NTSR1: variants seen among roughly 807,000 people sequenced by gnomAD.
The protein encoded by NTSR1 is neurotensin receptor type 1.
In NTSR1, 29 loss-of-function variants were observed where a neutral mutation model predicts 31.2. The observed-to-expected ratio is 0.93, with a 90% CI of 0.69 to 1.27. The LOEUF (loss-of-function observed/expected upper bound fraction) is 1.27. Among genes scored for constraint, NTSR1 ranks in the 50% most tolerant of loss-of-function variants. The pLI is 0.00. For missense variants in NTSR1, 697 were observed against 595.4 expected (o/e 1.17, Z -1.78); for synonymous variants, 282 against 269.9 (o/e 1.04, Z -0.44).
intron 1 of NTSR1, among the ~76,000 whole-genome samples, chr20:62,749,177 C>T (rs1446492809): frequency 6.6e-6 from 1 of 152,170 alleles, no homozygotes; most frequent in Non-Finnish European, 1.5e-5. Context: ...CGCGGTGGCT[C>T]ACGCCTATAA....
Position 62,741,585 on chromosome 20 carries a change from G to A in NTSR1, c.715-13100G>A, listed in dbSNP as rs756945770. Reference sequence around the variant, plus strand: ...TCGAGCATGCCTGGGCATTGTCCATGGTACTGAACCCCTGAGGCTCCCTGG... The same window carrying A: ...TCGAGCATGCCTGGGCATTGTCCATAGTACTGAACCCCTGAGGCTCCCTGG... On this transcript the variant is annotated intron_variant, in intron 1 of 3. Coordinates refer to ENST00000370501, the MANE Select transcript of NTSR1 (RefSeq NM_002531.3). The surrounding 1 kb of genome is among the most constrained non-coding windows in gnomAD (Gnocchi z 4.3). 2.0e-4 allele frequency among the ~76,000 whole-genome samples: 30 copies of A among 149,520 alleles called. No individual in the cohort carries two copies. The highest frequency in any genetic ancestry group is 4.3e-4 in the Non-Finnish European group (29 of 68,012).
intron 1 of NTSR1, among the ~76,000 whole-genome samples, chr20:62,730,637 G>A (rs74386295): frequency 0.018 from 2,759 of 152,342 alleles, 89 homozygotes; most frequent in African/African-American, 0.063. Flanking sequence ...GTAAGGATAC[G>A]TTGAGCTTTG....
rs796172046 is a variant in NTSR1 at position 62,760,409 on chromosome 20, CCT to C, written c.*144_*145del. The C allele has an allele frequency of 1.0e-3, 810 of 782,356 alleles. 1 individual carries two copies. The African/African-American group carries it at 0.013, about 13-fold the overall frequency. 48.5% of individuals were successfully genotyped at this position (782,356 alleles called of 1,614,324 possible). On this transcript the variant is annotated 3_prime_UTR_variant, in exon 4 of 4. Coordinates refer to ENST00000370501, the MANE Select transcript of NTSR1 (RefSeq NM_002531.3). Reference sequence around the variant, plus strand: ...TGGAGTCTGAGGCCTGGGACCCCCCCCTCCCACCCCCTAACCCATGTTTCTCA... The same window carrying C: ...TGGAGTCTGAGGCCTGGGACCCCCCCCCCACCCCCTAACCCATGTTTCTCA...
intron 2 of NTSR1, among the ~76,000 whole-genome samples, 170 bp downstream of exon 2, chr20:62,755,056 C>G (rs1770648794): frequency 1.3e-5 from 2 of 151,738 alleles, no homozygotes; most frequent in Non-Finnish European, 2.9e-5. Context: ...ATTCTGCACT[C>G]CATCCCTCCC....
intron 1 of NTSR1, among the ~76,000 whole-genome samples, chr20:62,718,300 C>A (rs1296551200): frequency 3.9e-5 from 6 of 152,020 alleles, no homozygotes; most frequent in Admixed American, 2.6e-4. Flanking sequence ...GGTTGGGAAG[C>A]TGCTGCTGGA....
chr20:62,736,235 G>A (rs1362480236), intron 1 of NTSR1, among the ~76,000 whole-genome samples: 3 of 152,234 alleles, frequency 2.0e-5, no homozygotes, highest in Non-Finnish European at 2.9e-5. Context: ...AGCAGGGCGG[G>A]AAGGGAAGCC....
Position 62,741,541 on chromosome 20 carries a change from C to A in NTSR1, c.715-13144C>A, listed in dbSNP as rs1270465917. 1.3e-5 allele frequency among the ~76,000 whole-genome samples: 2 copies of A among 149,658 alleles called. No individual in the cohort carries two copies. Among genetic ancestry groups the A allele is most frequent in the East Asian group, 4.5e-4 (2 of 4,460 alleles). The stretch of plus-strand genomic sequence containing the variant: ...CTGCCCCACACCATGTTCCTCCCAC[C>A]CCATGTCTGTGCGCCCCTTCGAGCA... On this transcript the variant is annotated intron_variant, in intron 1 of 3. Coordinates refer to ENST00000370501, the MANE Select transcript of NTSR1 (RefSeq NM_002531.3). The surrounding 1 kb of genome is among the most constrained non-coding windows in gnomAD (Gnocchi z 4.3).
rs3787522 is a variant in NTSR1 at position 62,752,365 on chromosome 20, G to A, written c.715-2320G>A. On this transcript the variant is annotated intron_variant, in intron 1 of 3. Coordinates refer to ENST00000370501, the MANE Select transcript of NTSR1 (RefSeq NM_002531.3). ...CCAAAGCCCCTGCTTCCAGCTGTGC[G>A]TCTGGGAAGAGAAGGCCGGCCCCAG... 8.9e-3 allele frequency among the ~76,000 whole-genome samples: 1,348 copies of A among 152,202 alleles called. 9 individuals carry two copies. Among genetic ancestry groups the A allele is most frequent in the East Asian group, 0.036 (188 of 5,160 alleles).
intron 1 of NTSR1, among the ~76,000 whole-genome samples, chr20:62,718,349 G>T (rs1237562839): frequency 2.6e-5 from 4 of 152,122 alleles, no homozygotes. Context: ...GCCAGGGTGG[G>T]GGTGGAGAAG....
chr20:62,739,954 C>T (rs964491604), intron 1 of NTSR1, among the ~76,000 whole-genome samples: 9 of 152,242 alleles, frequency 5.9e-5, no homozygotes. Context: ...CGTGCTGGGA[C>T]TGCTGGCCCC....
chr20:62,728,206 C>G (rs369406158), intron 1 of NTSR1, among the ~76,000 whole-genome samples: 19 of 152,292 alleles, frequency 1.2e-4, no homozygotes, highest in African/African-American at 4.3e-4. Context: ...CACAGGTCCC[C>G]CCGAGTCTCC....
intron 2 of NTSR1, 75 bp downstream of exon 2, chr20:62,754,961 C>A: frequency 7.3e-7 from 1 of 1,371,056 alleles, no homozygotes. Flanking sequence ...TGAACCACCC[C>A]AAGCCTGGGC....
chr20:62,736,931 G>A (rs1353958083), intron 1 of NTSR1, among the ~76,000 whole-genome samples: 4 of 152,184 alleles, frequency 2.6e-5, no homozygotes, highest in Non-Finnish European at 4.4e-5. Context: ...AGCGTCTGGC[G>A]TTTGCCCTGC....
chr20:62,745,343 A>T lies in NTSR1; in HGVS notation c.715-9342A>T, dbSNP rs1269225685. On this transcript the variant is annotated intron_variant, in intron 1 of 3. Coordinates refer to ENST00000370501, the MANE Select transcript of NTSR1 (RefSeq NM_002531.3). This position sits in a 1 kb window ranked among gnomAD's most constrained non-coding sequence, Gnocchi z 4.1. ...GAGACACAGAGACAGAGATACAGAG[A>T]CACAAGAAAACAGAGACAGAGATAG... Among the ~76,000 whole-genome samples the T allele has an allele frequency of 6.6e-6, 1 of 152,172 alleles. No individual in the cohort carries two copies. The highest frequency in any genetic ancestry group is 1.9e-4 in the East Asian group (1 of 5,198).
At chr20:62,718,526 G>T (rs1403878545) in intron 1 of NTSR1, among the ~76,000 whole-genome samples, 1 of 137,058 alleles carries the variant, frequency 7.3e-6, no homozygotes, top group Non-Finnish European at 1.6e-5. Flanking sequence ...CCGCCCTCCA[G>T]CCCTGTGGCC....
intron 1 of NTSR1, 148 bp downstream of exon 1, chr20:62,710,069 G>A: frequency 1.6e-5 from 11 of 693,840 alleles, no homozygotes; most frequent in Middle Eastern, 4.0e-4. Context: ...GCAGCTTGGG[G>A]GCAGCTCCAG....
At chr20:62,749,406 A>G (rs1989356116) in intron 1 of NTSR1, among the ~76,000 whole-genome samples, 1 of 152,218 alleles carries the variant, frequency 6.6e-6, no homozygotes, top group Non-Finnish European at 1.5e-5. Flanking sequence ...AAAGATCTAA[A>G]CATAAAACCT....
chr20:62,749,972 C>G (rs946161663), intron 1 of NTSR1, among the ~76,000 whole-genome samples: 2 of 152,178 alleles, frequency 1.3e-5, no homozygotes, highest in African/African-American at 4.8e-5. Context: ...GAAGCGGAAT[C>G]CGGATCTTGA....
Position 62,760,097 on chromosome 20 carries a change from C to G in NTSR1, c.1087C>G (p.Leu363Val), listed in dbSNP as rs769171286. ...CGTCAGCTCCACCATCAACCCCATC[C>G]TGTACAACCTCGTCTCTGCCAACTT... ...FYVSSTINPI[L>V]YNLVSANFRH... Residue 363 changes from leucine to valine, a missense_variant, in exon 4 of 4, where the codon CTG becomes GTG. Leu to Val is a conservative substitution (Grantham distance 32). Transcript: ENST00000370501. 73 of 1,614,064 alleles carry G rather than the reference C, an allele frequency of 4.5e-5. No homozygotes were observed. Among genetic ancestry groups the G allele is most frequent in the Non-Finnish European group, 6.0e-5 (71 of 1,180,046 alleles).
Sources: gnomAD v4.1 joint callset for allele counts (sites outside exome capture counted in the v4.1 genomes callset) on GRCh38, gnomAD v4.1.1 for gene constraint, Gnocchi (gnomAD v3.1) non-coding constraint, MANE v1.5 for transcripts, NCBI Gene and HGNC (gene_info 2026-07-23, HGNC 2026-07-21) for gene names.